BMERB1: variants seen among roughly 807,000 people sequenced by gnomAD.
BMERB1 encodes bMERB domain-containing protein 1.
In BMERB1, 12 loss-of-function variants were observed where a neutral mutation model predicts 23.6. That is an observed-to-expected ratio of 0.51 (90% confidence interval 0.33 to 0.82). The LOEUF is 0.82. BMERB1 is among the 40% of genes least tolerant of loss of function. The pLI, the probability that BMERB1 is intolerant of heterozygous loss-of-function variation, is 0.03. For missense variants in BMERB1, 247 were observed against 255.4 expected, an observed-to-expected ratio of 0.97 and a Z score of 0.22; for synonymous variants, 122 against 96.6, an observed-to-expected ratio of 1.26 and a Z score of -1.54.
intron 1 of BMERB1, among the ~76,000 whole-genome samples, chr16:15,513,900 GA>G (rs750599327): frequency 1.3e-5 from 2 of 149,902 alleles, no homozygotes; most frequent in South Asian, 2.1e-4. Flanking sequence ...TCTCAAAAAA[GA>G]AAAAAAAGTG....
At chr16:15,450,155 A>G (rs1158557539) in intron 1 of BMERB1, among the ~76,000 whole-genome samples, 1 of 152,164 alleles carries the variant, frequency 6.6e-6, no homozygotes, top group East Asian at 1.9e-4. Flanking sequence ...CCAAAGCTGT[A>G]GCCTAAAGCT....
At chr16:15,520,010 G>A (rs923090411) in intron 2 of BMERB1, among the ~76,000 whole-genome samples, 1 of 151,992 alleles carries the variant, frequency 6.6e-6, no homozygotes, top group East Asian at 1.9e-4. Flanking sequence ...TGTTTCCCGC[G>A]GGCACTGATA....
chr16:15,521,614 CCTCA>C (rs1254440501), intron 2 of BMERB1, among the ~76,000 whole-genome samples: 16 of 152,256 alleles, frequency 1.1e-4, no homozygotes, highest in Non-Finnish European at 4.4e-5. Flanking sequence ...TGAGTGTGCT[CCTCA>C]CTCTGAATTT....
chr16:15,491,161 T>A (rs543768932), intron 1 of BMERB1, among the ~76,000 whole-genome samples: 1 of 152,312 alleles, frequency 6.6e-6, no homozygotes, highest in East Asian at 1.9e-4. Context: ...AGTAGTGCAT[T>A]TACTGATAGC....
intron 1 of BMERB1, among the ~76,000 whole-genome samples, chr16:15,444,335 G>C (rs2050972122): frequency 1.3e-5 from 2 of 151,496 alleles, no homozygotes; most frequent in African/African-American, 2.4e-5. Context: ...GGCGTCTCCT[G>C]TGCACTTGTT....
intron 5 of BMERB1, among the ~76,000 whole-genome samples, chr16:15,584,647 C>A (rs943071673): frequency 2.0e-5 from 3 of 151,956 alleles, no homozygotes. Flanking sequence ...GAAAGAGCAA[C>A]AAGAACTAGA....
At chr16:15,563,658 C>T (rs974127820) in intron 2 of BMERB1, among the ~76,000 whole-genome samples, 2 of 151,998 alleles carry the variant, frequency 1.3e-5, no homozygotes, top group Non-Finnish European at 2.9e-5. Context: ...TGATGGAAGG[C>T]GAAGGGGAAG....
At chr16:15,477,048 G>A (rs929555310) in intron 1 of BMERB1, among the ~76,000 whole-genome samples, 1 of 152,150 alleles carries the variant, frequency 6.6e-6, no homozygotes, top group African/African-American at 2.4e-5. Flanking sequence ...ATTGCTTGAG[G>A]CTAGTAGTTC....
At chr16:15,575,220 C>T (rs2030828305) in intron 3 of BMERB1, among the ~76,000 whole-genome samples, 1 of 152,216 alleles carries the variant, frequency 6.6e-6, no homozygotes, top group African/African-American at 2.4e-5. Flanking sequence ...AGTCCTTAGT[C>T]TTCCTTTATC....
intron 2 of BMERB1, among the ~76,000 whole-genome samples, chr16:15,553,371 A>G (rs2030152647): frequency 3.3e-5 from 5 of 152,214 alleles, no homozygotes; most frequent in Admixed American, 3.3e-4. Context: ...ACTACTTGGA[A>G]GGCTGAGGCA....
At chr16:15,534,970 A>G (rs2052011883) in intron 2 of BMERB1, among the ~76,000 whole-genome samples, 1 of 151,976 alleles carries the variant, frequency 6.6e-6, no homozygotes, top group African/African-American at 2.4e-5. Flanking sequence ...ATTTCCCTTC[A>G]TTTTCTTACA....
chr16:15,479,537 T>C (rs2051302076), intron 1 of BMERB1, among the ~76,000 whole-genome samples: 1 of 152,154 alleles, frequency 6.6e-6, no homozygotes, highest in African/African-American at 2.4e-5. Context: ...GCTATTAAAC[T>C]ACTCCTGCCT....
chr16:15,540,587 G>C (rs1037334146), intron 2 of BMERB1, among the ~76,000 whole-genome samples: 5 of 152,210 alleles, frequency 3.3e-5, no homozygotes, highest in Non-Finnish European at 5.9e-5. Flanking sequence ...TAACGTGCAA[G>C]TGACTGATGT....
At chr16:15,520,330 G>A (rs1022319650) in intron 2 of BMERB1, among the ~76,000 whole-genome samples, 12 of 151,918 alleles carry the variant, frequency 7.9e-5, no homozygotes, top group African/African-American at 2.9e-4. Flanking sequence ...ACAAACCCCC[G>A]ATTAGATGCC....
chr16:15,574,948 G>A (rs796182893), intron 3 of BMERB1, among the ~76,000 whole-genome samples: 10 of 152,116 alleles, frequency 6.6e-5, no homozygotes, highest in Admixed American at 3.3e-4. Flanking sequence ...GTGTGGTGGC[G>A]CCTGCCTGTA....
rs192649829 is a variant in BMERB1, at chr16:15,515,030, C to T, written c.107-275C>T. On this transcript the variant is annotated intron_variant, in intron 1 of 5. Coordinates refer to ENST00000300006, the MANE Select transcript of BMERB1 (RefSeq NM_033201.3). ...CTGGGAGATGGAGCTTGCAGTGAGC[C>T]GAGATCGCTTCACCGCACTCCAGCC... 2.6e-5 allele frequency among the ~76,000 whole-genome samples: 4 copies of T among 152,180 alleles called. No individual in the cohort carries two copies. The South Asian group carries it at 8.3e-4, about 32-fold the overall frequency.
At chr16:15,551,280 G>GCCTT (rs1023456835) in intron 2 of BMERB1, among the ~76,000 whole-genome samples, 5 of 152,070 alleles carry the variant, frequency 3.3e-5, no homozygotes, top group Admixed American at 2.6e-4. Flanking sequence ...ATGCCTGCCA[G>GCCTT]CCTTCCTTCC....
chr16:15,547,387 G>A lies in BMERB1; in HGVS notation c.231-20596G>A, dbSNP rs1324737934. Among the ~76,000 whole-genome samples the A allele has an allele frequency of 2.0e-5, 3 of 150,582 alleles. No homozygotes were observed. The Admixed American group carries it at 2.0e-4, about 10-fold the overall frequency. On this transcript the variant is annotated intron_variant, in intron 2 of 5. Coordinates refer to ENST00000300006, the MANE Select transcript of BMERB1 (RefSeq NM_033201.3). ...ACAGAGTTTTGCTCTTGTCGCCCAGGCTGGAGTGCAATGGCAGGATCTCGG... is the reference window on the plus strand; with the variant it reads ...ACAGAGTTTTGCTCTTGTCGCCCAGACTGGAGTGCAATGGCAGGATCTCGG...
intron 3 of BMERB1, among the ~76,000 whole-genome samples, chr16:15,575,637 T>A (rs1450284405): frequency 2.6e-5 from 4 of 152,144 alleles, no homozygotes; most frequent in African/African-American, 9.6e-5. Context: ...AGAAATTTAT[T>A]GAAAATGAAA....
Sources: gnomAD v4.1 joint callset for allele counts (sites outside exome capture counted in the v4.1 genomes callset) on GRCh38, gnomAD v4.1.1 for gene constraint, MANE v1.5 for transcripts, NCBI Gene and HGNC (gene_info 2026-07-23, HGNC 2026-07-21) for gene names.